AFAP1L2: variants seen among roughly 807,000 people sequenced by gnomAD.
The protein encoded by AFAP1L2 is actin filament associated protein 1 like 2.
Under a neutral mutation model 99.3 loss-of-function variants are expected in AFAP1L2, and 46 were observed. The observed-to-expected ratio is 0.46, with a 90% CI of 0.37 to 0.59. The LOEUF (loss-of-function observed/expected upper bound fraction) is 0.59. AFAP1L2 is among the 20% of genes least tolerant of loss of function. The pLI is 0.00. For synonymous variants in AFAP1L2, 397 were observed against 419.1 expected, an observed-to-expected ratio of 0.95 and a Z score of 0.64; for missense variants, 959 against 1,034.9, an observed-to-expected ratio of 0.93 and a Z score of 1.01.
chr10:114,352,915 C>T (rs2050761523), intron 1 of AFAP1L2, among the ~76,000 whole-genome samples: 2 of 152,244 alleles, frequency 1.3e-5, no homozygotes, highest in African/African-American at 4.8e-5. Context: ...CAGTGGATAC[C>T]TGTTGCTTTT....
At chr10:114,330,557 G>T (rs2047086937) in intron 4 of AFAP1L2, among the ~76,000 whole-genome samples, 1 of 152,144 alleles carries the variant, frequency 6.6e-6, no homozygotes, top group Non-Finnish European at 1.5e-5. Flanking sequence ...AGTGGTGGGG[G>T]GGCTGCCATC....
At chr10:114,289,704 C>T in the AFAP1L2 span, 3 of 595,570 alleles carry the variant, frequency 5.0e-6, no homozygotes, top group East Asian at 8.5e-5. Flanking sequence ...GTTTAACTAA[C>T]ATAGATAACT....
At position 114,333,278 on chromosome 10, in the gene AFAP1L2, T is replaced by C; in HGVS notation, c.163A>G (p.Ile55Val). The C allele has an allele frequency of 1.2e-6, 2 of 1,614,008 alleles. No homozygotes were observed. The highest frequency in any genetic ancestry group is 1.7e-6 in the Non-Finnish European group (2 of 1,179,952). Residue 55 changes from isoleucine to valine, a missense_variant, in exon 3 of 19, where the codon ATT becomes GTT. Coordinates refer to ENST00000304129, the MANE Select transcript of AFAP1L2 (RefSeq NM_001001936.3). Reference sequence around the variant, plus strand: ...TTGATGGTCACTTTGTTCATATAAATGTACTCCTCATCAGAGCCTGCAGAA... The same window carrying C: ...TTGATGGTCACTTTGTTCATATAAACGTACTCCTCATCAGAGCCTGCAGAA... Reference protein sequence around the residue: ...TKSSSSDEEYIYMNKVTINKQ... With the variant: ...TKSSSSDEEYVYMNKVTINKQ...
intron 1 of AFAP1L2, among the ~76,000 whole-genome samples, chr10:114,341,780 A>T (rs2048865194): frequency 6.6e-6 from 1 of 151,938 alleles, no homozygotes; most frequent in South Asian, 2.1e-4. Context: ...TTCACACATC[A>T]TGGTCTTCTC....
At chr10:114,395,941 C>T (rs1436429836) in intron 1 of AFAP1L2, among the ~76,000 whole-genome samples, 1 of 152,164 alleles carries the variant, frequency 6.6e-6, no homozygotes, top group East Asian at 1.9e-4. Context: ...AAAACACTGC[C>T]TGCCTCTCTA....
intron 2 of AFAP1L2, among the ~76,000 whole-genome samples, chr10:114,336,793 A>G (rs2048039095): frequency 6.6e-6 from 1 of 152,222 alleles, no homozygotes; most frequent in Admixed American, 6.5e-5. Context: ...CCAAGCCCTC[A>G]ATAAACAGAT....
intron 5 of AFAP1L2, among the ~76,000 whole-genome samples, chr10:114,321,204 C>CGAG (rs1361541573): frequency 2.6e-5 from 4 of 152,162 alleles, no homozygotes; most frequent in African/African-American, 9.7e-5. Context: ...AGTGCACTGT[C>CGAG]ATTCGAGTGG....
intron 5 of AFAP1L2, chr10:114,319,488 G>A (rs2044741242): frequency 4.4e-6 from 5 of 1,145,630 alleles, no homozygotes; most frequent in Non-Finnish European, 5.8e-6. Context: ...CCACCCTCGG[G>A]ACATGCACAC....
At chr10:114,312,087 G>C (rs1026767324) in intron 7 of AFAP1L2, among the ~76,000 whole-genome samples, 1 of 152,144 alleles carries the variant, frequency 6.6e-6, no homozygotes, top group Non-Finnish European at 1.5e-5. Context: ...AAGCGTTCTT[G>C]TCTTTGAAAC....
chr10:114,372,517 C>T (rs993562664), intron 1 of AFAP1L2, among the ~76,000 whole-genome samples: 11 of 152,250 alleles, frequency 7.2e-5, no homozygotes, highest in African/African-American at 2.6e-4. Context: ...CCGGAAGCTT[C>T]CATGATGCCA....
intron 1 of AFAP1L2, among the ~76,000 whole-genome samples, chr10:114,352,486 A>AAAAAAAAG (rs1564955184): frequency 7.0e-6 from 1 of 142,414 alleles, no homozygotes; most frequent in African/African-American, 2.6e-5. Flanking sequence ...AATTAAAAAA[A>AAAAAAAAG]AAAAAAAAAA....
chr10:114,381,288 A>G (rs922096023), intron 1 of AFAP1L2, among the ~76,000 whole-genome samples: 4 of 152,236 alleles, frequency 2.6e-5, no homozygotes, highest in Non-Finnish European at 5.9e-5. Context: ...ACAAGAGTCT[A>G]CATAGCATAT....
In AFAP1L2 at chr10:114,296,057, C is replaced by T; in HGVS notation, c.2442G>A (p.Lys814=). The T allele has an allele frequency of 2.5e-6, 4 of 1,614,200 alleles. No individual in the cohort carries two copies. The highest frequency in any genetic ancestry group is 3.4e-6 in the Non-Finnish European group (4 of 1,180,006). ...TVLQKAKEWE[K]KGAS ...AGCTTGTTTTCTAACTTGCTCCTTT[C>T]TTCTCCCATTCCTAGGGTACCATTC... The change falls in exon 19 of 19, where the codon AAG becomes AAA. Residue 814 remains lysine (K), a synonymous_variant. Coordinates refer to ENST00000304129, the MANE Select transcript of AFAP1L2 (RefSeq NM_001001936.3).
chr10:114,317,652 A>C (rs1237041060), intron 5 of AFAP1L2, among the ~76,000 whole-genome samples: 2 of 152,206 alleles, frequency 1.3e-5, no homozygotes, highest in African/African-American at 2.4e-5. Flanking sequence ...TGAGCTCAGG[A>C]GTTCAAGACC....
intron 1 of AFAP1L2, among the ~76,000 whole-genome samples, chr10:114,383,739 A>G (rs1446425719): frequency 5.3e-5 from 8 of 152,260 alleles, no homozygotes; most frequent in Non-Finnish European, 1.2e-4. Flanking sequence ...TAGGTTTACC[A>G]CATTGGGTCC....
chr10:114,333,125 G>T, intron 3 of AFAP1L2, 96 bp downstream of exon 3: 2 of 1,165,864 alleles, frequency 1.7e-6, no homozygotes, highest in South Asian at 1.3e-5. Context: ...TCTGTGTGCC[G>T]GCTGGGAGGA....
chr10:114,334,189 A>C (rs554655494), intron 2 of AFAP1L2, among the ~76,000 whole-genome samples: 1 of 152,334 alleles, frequency 6.6e-6, no homozygotes, highest in Non-Finnish European at 1.5e-5. Flanking sequence ...TGCCTCCTTT[A>C]AAACCACTTC....
intron 3 of AFAP1L2, among the ~76,000 whole-genome samples, chr10:114,332,539 G>A (rs1161274304): frequency 6.6e-6 from 1 of 152,224 alleles, no homozygotes; most frequent in Non-Finnish European, 1.5e-5. Flanking sequence ...GCTTTGCCAT[G>A]CTGTGTTCCC....
At chr10:114,341,313 T>C (rs1263213521) in intron 1 of AFAP1L2, among the ~76,000 whole-genome samples, 1 of 152,194 alleles carries the variant, frequency 6.6e-6, no homozygotes, top group Non-Finnish European at 1.5e-5. Context: ...AGGTTGTCCA[T>C]GATTAAAAGC....
Sources: allele counts gnomAD v4.1 joint callset (sites outside exome capture counted in the v4.1 genomes callset), GRCh38; gene constraint gnomAD v4.1.1; transcripts MANE v1.5; gene names NCBI Gene and HGNC (gene_info 2026-07-23, HGNC 2026-07-21).